The following TEX9 variants were observed in gnomAD, a reference collection of about 807,000 sequenced individuals.
The protein encoded by TEX9 is testis-expressed protein 9.
Under a neutral mutation model 59.6 loss-of-function variants are expected in TEX9, and 74 were observed. The ratio of observed to expected loss-of-function variants is 1.24; its 90% CI spans 1.03 to 1.51. TEX9 has a LOEUF of 1.51. Among genes scored for constraint, TEX9 ranks in the 40% most tolerant of loss-of-function variants. The pLI, the probability that TEX9 is intolerant of heterozygous loss-of-function variation, is 0.00. For synonymous variants in TEX9, 186 were observed against 152.2 expected (o/e 1.22, Z -1.64); for missense variants, 522 against 447.8 (o/e 1.17, Z -1.49).
intron 1 of TEX9, among the ~76,000 whole-genome samples, chr15:56,305,313 T>A (rs1048061053): frequency 1.3e-5 from 2 of 151,954 alleles, no homozygotes; most frequent in African/African-American, 2.4e-5. Context: ...AGACCCAGAA[T>A]GGCCAAGGTC....
the TEX9 span, among the ~76,000 whole-genome samples, chr15:56,460,009 A>AAAAAAAAAAAAATATAT: frequency 1.2e-3 from 32 of 26,380 alleles, 8 homozygotes; most frequent in East Asian, 2.3e-3. Flanking sequence ...AAAAAAAAAA[A>AAAAAAAAAAAAATATAT]ATACATATAT....
intron 1 of TEX9, among the ~76,000 whole-genome samples, chr15:56,345,609 G>A (rs919130727): frequency 6.6e-6 from 1 of 152,132 alleles, no homozygotes; most frequent in Non-Finnish European, 1.5e-5. Context: ...GCTTTTTAAG[G>A]GGGAAGTGTC....
At chr15:56,337,187 T>C (rs553574410) in intron 1 of TEX9, among the ~76,000 whole-genome samples, 1 of 152,312 alleles carries the variant, frequency 6.6e-6, no homozygotes, top group African/African-American at 2.4e-5. Flanking sequence ...CTGTAACTGA[T>C]AAATCATTAT....
upstream of TEX9, among the ~76,000 whole-genome samples, chr15:56,360,609 T>G (rs1160652507): frequency 6.6e-6 from 1 of 152,212 alleles, no homozygotes; most frequent in African/African-American, 2.4e-5. Flanking sequence ...TTCTGTATAT[T>G]ATGATGTTTA....
chr15:56,365,647 C>A (rs1419113494), exon 2 of TEX9: 7 of 1,614,214 alleles, frequency 4.3e-6, no homozygotes, highest in Non-Finnish European at 5.9e-6. Context: ...GACCCGACCT[C>A]CTCGCCTTGG....
At chr15:56,448,751 CTTT>C (rs34366643), downstream of TEX9, among the ~76,000 whole-genome samples, 6 of 117,650 alleles carry the variant, frequency 5.1e-5, no homozygotes, top group Non-Finnish European at 3.6e-5. Context: ...TTTTTAGATT[CTTT>C]TTTTTTTTTT....
chr15:56,390,214 T>C (rs1420289046), intron 6 of TEX9, among the ~76,000 whole-genome samples: 2 of 152,030 alleles, frequency 1.3e-5, no homozygotes, highest in Non-Finnish European at 2.9e-5. Flanking sequence ...GGGTTATCTT[T>C]TCAGACTTCA....
chr15:56,431,170 C>T (rs748261745), intron 12 of TEX9, among the ~76,000 whole-genome samples: 1 of 152,146 alleles, frequency 6.6e-6, no homozygotes, highest in Non-Finnish European at 1.5e-5. Flanking sequence ...CAAGCTCATA[C>T]ATCTAATAAT....
chr15:56,423,493 G>A (rs2050085473), intron 10 of TEX9, among the ~76,000 whole-genome samples: 1 of 152,068 alleles, frequency 6.6e-6, no homozygotes, highest in Non-Finnish European at 1.5e-5. Flanking sequence ...TGAGAAAACT[G>A]TATTCTCTTA....
At chr15:56,424,918 G>C (rs2050168937) in intron 10 of TEX9, among the ~76,000 whole-genome samples, 1 of 151,924 alleles carries the variant, frequency 6.6e-6, no homozygotes, top group African/African-American at 2.4e-5. Context: ...ATTTTCTTTA[G>C]GATTTTGTAG....
At chr15:56,428,245 ACATTCCTACAACAGAACT>A in intron 11 of TEX9, 104 bp from the exon 12 acceptor site, 1 of 672,696 alleles carries the variant, frequency 1.5e-6, no homozygotes, top group South Asian at 1.9e-5. Context: ...TTAAGAGTAT[ACATTCCTACAACAGAACT>A]TATATTCTGA....
At chr15:56,405,578 A>T (rs1028001729) in intron 9 of TEX9, among the ~76,000 whole-genome samples, 1 of 152,166 alleles carries the variant, frequency 6.6e-6, no homozygotes, top group Non-Finnish European at 1.5e-5. Context: ...TGGCTATCTG[A>T]AGGCTTTTAT....
intron 1 of TEX9, among the ~76,000 whole-genome samples, chr15:56,352,269 G>T (rs2046597888): frequency 6.6e-6 from 1 of 151,982 alleles, no homozygotes. Flanking sequence ...TTTTGAGACA[G>T]AGTCTCGCCC....
intron 12 of TEX9, among the ~76,000 whole-genome samples, chr15:56,440,045 G>A (rs2050793540): frequency 6.6e-6 from 1 of 151,628 alleles, no homozygotes; most frequent in Non-Finnish European, 1.5e-5. Flanking sequence ...AATATATGAA[G>A]AACTCTCAAA....
intron 1 of TEX9, among the ~76,000 whole-genome samples, chr15:56,327,774 CAG>C (rs1410584120): frequency 1.3e-5 from 2 of 152,204 alleles, no homozygotes; most frequent in Non-Finnish European, 2.9e-5. Context: ...CCAGCAGCCT[CAG>C]GGGGAGCATT....
chr15:56,295,299 C>A (rs2141528617), intron 1 of TEX9, among the ~76,000 whole-genome samples: 1 of 152,146 alleles, frequency 6.6e-6, no homozygotes, highest in African/African-American at 2.4e-5. Flanking sequence ...AATGTTTGGC[C>A]CACAGAGCTG....
chr15:56,453,833 A>G, the TEX9 span, among the ~76,000 whole-genome samples: 1 of 152,204 alleles, frequency 6.6e-6, no homozygotes, highest in East Asian at 1.9e-4. Flanking sequence ...GCTCAAAGAA[A>G]TATTTTCAAA....
chr15:56,440,227 C>T (rs1029325490), intron 12 of TEX9, among the ~76,000 whole-genome samples: 3 of 152,088 alleles, frequency 2.0e-5, no homozygotes, highest in Admixed American at 6.6e-5. Context: ...GGTATCACTA[C>T]ATGGATATTT....
intron 8 of TEX9, 90 bp downstream of exon 8, chr15:56,394,337 A>C: frequency 9.0e-7 from 1 of 1,108,406 alleles, no homozygotes; most frequent in South Asian, 1.7e-5. Flanking sequence ...CTTTATTTAG[A>C]TATAAATCAT....
Sources: gnomAD v4.1 joint callset for allele counts (sites outside exome capture counted in the v4.1 genomes callset) on GRCh38, gnomAD v4.1.1 for gene constraint, MANE v1.5 for transcripts, NCBI Gene and HGNC (gene_info 2026-07-23, HGNC 2026-07-21) for gene names.